LRP6: variants seen among roughly 807,000 people sequenced by gnomAD.
LRP6 encodes the protein low-density lipoprotein receptor-related protein 6.
Under a neutral mutation model 184.1 loss-of-function variants are expected in LRP6, and 43 were observed. The ratio of observed to expected loss-of-function variants is 0.23; its 90% CI spans 0.18 to 0.30. The LOEUF (loss-of-function observed/expected upper bound fraction) is 0.30, where lower values mean the gene tolerates loss of function less well. LRP6 is among the 10% of genes least tolerant of loss of function. The probability of loss-of-function intolerance (pLI) is 1.00; values close to 1 mark genes in which losing one functional copy is unlikely to be tolerated. For synonymous variants in LRP6, 719 were observed against 684.9 expected (o/e 1.05, Z -0.78); for missense variants, 1,571 against 2,005.3 (o/e 0.78, Z 4.14).
rs577705114 is a variant in LRP6, at chr12:12,256,485, T to C, written c.55+10196A>G. 2.6e-5 allele frequency among the ~76,000 whole-genome samples: 4 copies of C among 152,104 alleles called. No homozygotes were observed. In the East Asian group the frequency reaches 7.7e-4, roughly 29 times the overall value. On this transcript the variant is annotated intron_variant, in intron 1 of 22. Transcript: ENST00000261349. ...ATGATCGCGCCACTGCACTCCAGCC[T>C]GGGTGACAGAGACACCAGCTCAAAA...
At chr12:12,225,193 A>C (rs1864587798) in intron 2 of LRP6, among the ~76,000 whole-genome samples, 1 of 152,206 alleles carries the variant, frequency 6.6e-6, no homozygotes, top group Non-Finnish European at 1.5e-5. Flanking sequence ...AGCCTGGGCG[A>C]CAAAGCGAGA....
chr12:12,135,572 C>A (rs1013350008), intron 16 of LRP6, among the ~76,000 whole-genome samples: 17 of 151,106 alleles, frequency 1.1e-4, no homozygotes, highest in Middle Eastern at 3.2e-3. Context: ...TGGCTCACTG[C>A]AAACTCTGCT....
chr12:12,177,103 C>T (rs989097342), intron 7 of LRP6, among the ~76,000 whole-genome samples: 26 of 152,102 alleles, frequency 1.7e-4, no homozygotes, highest in African/African-American at 5.3e-4. Flanking sequence ...ACCTCGGCCT[C>T]CCAAAGTACT....
intron 17 of LRP6, 146 bp downstream of exon 17, chr12:12,135,029 C>T (rs998390843): frequency 8.8e-7 from 1 of 1,140,576 alleles, no homozygotes; most frequent in African/African-American, 1.5e-5. Flanking sequence ...AACAGAAAAG[C>T]CTAGTACAAT....
At chr12:12,240,055 G>C (rs1263405850) in intron 2 of LRP6, among the ~76,000 whole-genome samples, 2 of 149,580 alleles carry the variant, frequency 1.3e-5, no homozygotes, top group Admixed American at 1.3e-4. Context: ...CACACAAAGA[G>C]ACACACACCA....
Position 12,141,739 on chromosome 12 carries a change from T to C in LRP6, c.3398-3205A>G, listed in dbSNP as rs575721017. Among the ~76,000 whole-genome samples the C allele has an allele frequency of 2.6e-5, 4 of 152,302 alleles. No homozygotes were observed. The East Asian group carries it at 5.8e-4, about 22-fold the overall frequency. On this transcript the variant is annotated intron_variant, in intron 15 of 22. Coordinates refer to ENST00000261349, the MANE Select transcript of LRP6 (RefSeq NM_002336.3). The stretch of plus-strand genomic sequence containing the variant: ...GGACTGCTTGATGCATATCCATTTA[T>C]TGAAACAATATTTACATTACACAAG...
In LRP6 at chr12:12,149,038, A is replaced by G; in HGVS notation, c.3110T>C (p.Val1037Ala). Residue 1037 changes from valine (V) to alanine (A), a missense_variant, in exon 14 of 23, where the codon GTC becomes GCC. By Grantham distance (64) the Val-to-Ala change is moderately conservative. This residue lies in a region of LRP6 where 763 missense variants were observed against 859.5 expected (regional missense o/e 0.89). Coordinates refer to ENST00000261349, the MANE Select transcript of LRP6 (RefSeq NM_002336.3). ...CCCATCTAATCTTGTCACATTAATGACATTGGTAGCCTCACAAGTCCAGTA... is the reference window on the plus strand; with the variant it reads ...CCCATCTAATCTTGTCACATTAATGGCATTGGTAGCCTCACAAGTCCAGTA... ...YIYWTCEATN[V>A]INVTRLDGRS... 6.2e-7 allele frequency: 1 copy of G among 1,614,090 alleles called. No homozygotes were observed. Among genetic ancestry groups the G allele is most frequent in the South Asian group, 1.1e-5 (1 of 91,064 alleles).
chr12:12,172,389 A>C (rs556684885), intron 7 of LRP6, among the ~76,000 whole-genome samples: 1 of 152,360 alleles, frequency 6.6e-6, no homozygotes, highest in African/African-American at 2.4e-5. Context: ...TCATTTCATC[A>C]GCTCATTAAA....
intron 2 of LRP6, among the ~76,000 whole-genome samples, chr12:12,221,968 A>ATCTGCTAAATGCTT (rs1864500688): frequency 6.6e-6 from 1 of 152,198 alleles, no homozygotes; most frequent in Non-Finnish European, 1.5e-5. Context: ...TCTAGGAGTG[A>ATCTGCTAAATGCTT]TCTGCTAAAT....
chr12:12,160,547 C>T (rs536675003), intron 10 of LRP6, among the ~76,000 whole-genome samples: 1 of 152,244 alleles, frequency 6.6e-6, no homozygotes, highest in Admixed American at 6.5e-5. Flanking sequence ...GTAAGAACAA[C>T]GACTCACCCC....
chr12:12,263,608 G>C (rs560559866), intron 1 of LRP6, among the ~76,000 whole-genome samples: 1 of 150,522 alleles, frequency 6.6e-6, no homozygotes, highest in East Asian at 2.0e-4. Context: ...TCCGAGAGGC[G>C]GAGGTGGGAG....
chr12:12,155,809 A>T (rs966653141), intron 12 of LRP6: 1 of 297,176 alleles, frequency 3.4e-6, no homozygotes. Context: ...TGGACTGTTA[A>T]AAAAAAAAAA....
At chr12:12,158,127 C>T (rs534007659) in intron 12 of LRP6, among the ~76,000 whole-genome samples, 31 of 152,234 alleles carry the variant, frequency 2.0e-4, no homozygotes, top group Admixed American at 7.2e-4. Flanking sequence ...TTCTCATACG[C>T]GTTTTCTGTA....
At chr12:12,198,252 T>C (rs1863819342) in intron 3 of LRP6, among the ~76,000 whole-genome samples, 2 of 152,182 alleles carry the variant, frequency 1.3e-5, no homozygotes, top group South Asian at 2.1e-4. Context: ...TCTATAGTTG[T>C]TCATAGTTGT....
intron 9 of LRP6, among the ~76,000 whole-genome samples, chr12:12,162,730 A>G (rs1432164268): frequency 6.6e-6 from 1 of 152,214 alleles, no homozygotes; most frequent in Non-Finnish European, 1.5e-5. Context: ...AAAAGCTGTG[A>G]CCACAATGCT....
intron 1 of LRP6, among the ~76,000 whole-genome samples, chr12:12,256,813 A>T (rs751909616): frequency 1.3e-5 from 2 of 152,178 alleles, no homozygotes; most frequent in Non-Finnish European, 1.5e-5. Context: ...TTCAAAAAAA[A>T]CAGATTTTTT....
At chr12:12,138,595 ATTAT>A in intron 15 of LRP6, 61 bp from the exon 16 acceptor site, 1 of 1,444,912 alleles carries the variant, frequency 6.9e-7, no homozygotes, top group East Asian at 2.3e-5. Context: ...ACTTTTGGTA[ATTAT>A]TTACTGACTA....
In LRP6 at chr12:12,149,146, G is replaced by A. The variant is rs1186908606; in HGVS notation, c.3002C>T (p.Thr1001Ile). 11 of 1,613,456 alleles carry A rather than the reference G, an allele frequency of 6.8e-6. No individual in the cohort carries two copies. The highest frequency in any genetic ancestry group is 7.6e-6 in the Non-Finnish European group (9 of 1,179,626). ...ACTCGGAACTGAGCTCACAACCACA[G>A]TAAAGCCCTAGGGAAAAAAAGAAAT... ...KAQEDGSQGFTVVVSSVPSQN... is the reference protein window; with the variant it reads ...KAQEDGSQGFIVVVSSVPSQN... The change falls in exon 14 of 23, where the codon ACT becomes ATT. Residue 1001 changes from threonine (T) to isoleucine (I), a missense_variant. Coordinates refer to ENST00000261349, the MANE Select transcript of LRP6 (RefSeq NM_002336.3).
At chr12:12,211,493 G>A (rs1864209881) in intron 2 of LRP6, among the ~76,000 whole-genome samples, 1 of 152,200 alleles carries the variant, frequency 6.6e-6, no homozygotes, top group African/African-American at 2.4e-5. Flanking sequence ...GGGACGGTAA[G>A]ATGATGAGTT....
Sources: gnomAD v4.1 joint callset for allele counts (sites outside exome capture counted in the v4.1 genomes callset) on GRCh38, gnomAD v4.1.1 for gene constraint, gnomAD v4.1.1 regional missense constraint, MANE v1.5 for transcripts, NCBI Gene and HGNC (gene_info 2026-07-23, HGNC 2026-07-21) for gene names.